TAFA1: variants seen among roughly 807,000 people sequenced by gnomAD.
TAFA1 encodes the protein chemokine-like protein TAFA-1.
In TAFA1, 4 loss-of-function variants were observed where a neutral mutation model predicts 18.5. The ratio of observed to expected loss-of-function variants is 0.22; its 90% confidence interval spans 0.11 to 0.49. The LOEUF is 0.49. Among genes scored for constraint, TAFA1 ranks in the 20% least tolerant of loss-of-function variants. TAFA1 has a pLI of 0.98. For synonymous variants in TAFA1, 56 were observed against 55.2 expected (o/e 1.01, Z -0.06); for missense variants, 147 against 169.0 (o/e 0.87, Z 0.72).
At chr3:68,012,783 G>C (rs910246976) in intron 2 of TAFA1, among the ~76,000 whole-genome samples, 6 of 152,120 alleles carry the variant, frequency 3.9e-5, no homozygotes, top group African/African-American at 9.7e-5. Flanking sequence ...GGGAGAATAA[G>C]TAGGAAAATA....
chr3:68,516,997 C>T (rs1439952490), intron 3 of TAFA1, among the ~76,000 whole-genome samples: 2 of 152,142 alleles, frequency 1.3e-5, no homozygotes, highest in South Asian at 2.1e-4. Flanking sequence ...TGGTCTCAAA[C>T]TCCTGACCTC....
chr3:68,437,980 C>T (rs1302288880), intron 3 of TAFA1, among the ~76,000 whole-genome samples: 2 of 152,110 alleles, frequency 1.3e-5, no homozygotes, highest in African/African-American at 4.8e-5. Flanking sequence ...TACACATTCC[C>T]ATTCCAAAAT....
At chr3:68,397,380 C>T (rs1314630483) in intron 2 of TAFA1, among the ~76,000 whole-genome samples, 1 of 152,164 alleles carries the variant, frequency 6.6e-6, no homozygotes, top group African/African-American at 2.4e-5. Flanking sequence ...CCTCACTGTT[C>T]AACTTCCATT....
At chr3:68,527,821 C>T (rs987272380) in intron 3 of TAFA1, among the ~76,000 whole-genome samples, 3 of 150,954 alleles carry the variant, frequency 2.0e-5, no homozygotes, top group Admixed American at 6.6e-5. Flanking sequence ...AAAAATCTAC[C>T]GACTGAAGGA....
chr3:68,357,286 T>C (rs1358762311), intron 2 of TAFA1, among the ~76,000 whole-genome samples: 3 of 151,932 alleles, frequency 2.0e-5, no homozygotes, highest in South Asian at 2.1e-4. Context: ...TCTATCTTCA[T>C]GAAGAAAAGC....
intron 2 of TAFA1, among the ~76,000 whole-genome samples, chr3:68,209,657 C>T (rs1011752443): frequency 6.6e-6 from 1 of 151,998 alleles, no homozygotes; most frequent in African/African-American, 2.4e-5. Flanking sequence ...AAATTGCAGT[C>T]ATAGGTTTTG....
intron 2 of TAFA1, among the ~76,000 whole-genome samples, chr3:68,209,111 A>C (rs760350749): frequency 1.3e-5 from 2 of 151,974 alleles, no homozygotes; most frequent in African/African-American, 4.8e-5. Flanking sequence ...ACTGCAAGGA[A>C]ATGAATTCTG....
At chr3:68,057,168 G>C (rs2064547040) in intron 2 of TAFA1, among the ~76,000 whole-genome samples, 1 of 152,116 alleles carries the variant, frequency 6.6e-6, no homozygotes, top group Admixed American at 6.6e-5. Flanking sequence ...CTCTTGAATT[G>C]GGAGCTAGGA....
intron 2 of TAFA1, among the ~76,000 whole-genome samples, chr3:68,171,983 A>C (rs902840362): frequency 6.6e-6 from 1 of 152,186 alleles, no homozygotes; most frequent in African/African-American, 2.4e-5. Flanking sequence ...CAAGTGTACC[A>C]TTATATAGAT....
intron 3 of TAFA1, among the ~76,000 whole-genome samples, chr3:68,519,487 A>G (rs1218620481): frequency 2.0e-5 from 3 of 152,262 alleles, no homozygotes; most frequent in Non-Finnish European, 2.9e-5. Flanking sequence ...TGTATCAACT[A>G]CTTTGCCTAG....
intron 2 of TAFA1, among the ~76,000 whole-genome samples, chr3:68,030,121 T>C (rs1320592425): frequency 6.6e-6 from 1 of 152,130 alleles, no homozygotes. Context: ...ACTTAAAATA[T>C]CATGAGAATA....
chr3:68,127,658 G>A (rs1255738815), intron 2 of TAFA1, among the ~76,000 whole-genome samples: 2 of 458 alleles, frequency 4.4e-3, no homozygotes, highest in Admixed American at 0.019. Flanking sequence ...CAGTGGTGGT[G>A]GTGGTGTGAT....
chr3:68,145,298 TC>T (rs2065725016), intron 2 of TAFA1: 1 of 789,696 alleles, frequency 1.3e-6, no homozygotes, highest in Non-Finnish European at 2.3e-6. Context: ...TCATCAGTGG[TC>T]TGAGACAGTC....
chr3:68,366,209 T>A (rs2106804658), intron 2 of TAFA1, among the ~76,000 whole-genome samples: 1 of 151,618 alleles, frequency 6.6e-6, no homozygotes, highest in Non-Finnish European at 1.5e-5. Flanking sequence ...CCACAACACA[T>A]GGAAATTATG....
At chr3:68,284,831 G>C (rs2067966481) in intron 2 of TAFA1, among the ~76,000 whole-genome samples, 1 of 152,116 alleles carries the variant, frequency 6.6e-6, no homozygotes, top group Admixed American at 6.5e-5. Flanking sequence ...CTAGCTACTG[G>C]GGAAGCTGAA....
At chr3:68,292,825 G>A (rs989944862) in intron 2 of TAFA1, among the ~76,000 whole-genome samples, 2 of 152,136 alleles carry the variant, frequency 1.3e-5, no homozygotes, top group African/African-American at 2.4e-5. Context: ...TTACAGGTGT[G>A]AGCCACTGTA....
chr3:68,468,637 G>A (rs13099682), intron 3 of TAFA1, among the ~76,000 whole-genome samples: 17,427 of 152,214 alleles, frequency 0.11, 1,296 homozygotes, highest in Non-Finnish European at 0.16. Context: ...AGAGGGCTCT[G>A]AAATGATTGG....
At chr3:68,478,567 A>T (rs1278804048) in intron 3 of TAFA1, among the ~76,000 whole-genome samples, 1 of 152,174 alleles carries the variant, frequency 6.6e-6, no homozygotes, top group African/African-American at 2.4e-5. Context: ...TTTCTGTGCC[A>T]TCGTAGTTTA....
rs774840646 is a variant in TAFA1, at chr3:68,042,519, C to T, written c.118+35775C>T. Among the ~76,000 whole-genome samples, 58 of 152,106 alleles carry T rather than the reference C, an allele frequency of 3.8e-4. 1 individual carries two copies. The highest frequency in any genetic ancestry group is 6.3e-4 in the Non-Finnish European group (43 of 68,018). On this transcript the variant is annotated intron_variant, in intron 2 of 4. Transcript: ENST00000478136. ...AAAAAATTAGCTTGGTGTGGTGGCA[C>T]ATGCCTGTAATCCCAGCTACTTGGG...
Sources: allele counts gnomAD v4.1 joint callset (sites outside exome capture counted in the v4.1 genomes callset), GRCh38; gene constraint gnomAD v4.1.1; transcripts MANE v1.5; gene names NCBI Gene and HGNC (gene_info 2026-07-23, HGNC 2026-07-21).